The following NDRG1 variants were observed in gnomAD, a reference collection of about 807,000 sequenced individuals.
The protein encoded by NDRG1 is N-myc downstream regulated 1.
NDRG1 carries 32 observed loss-of-function variants against 56.9 expected under a neutral mutation model. The observed-to-expected ratio is 0.56, with a 90% CI of 0.42 to 0.76. The LOEUF (loss-of-function observed/expected upper bound fraction) is 0.76. NDRG1 is among the 30% of genes least tolerant of loss of function. The pLI is 0.00. For synonymous variants in NDRG1, 211 were observed against 204.1 expected (o/e 1.03, Z -0.29); for missense variants, 507 against 545.7 (o/e 0.93, Z 0.71).
chr8:133,296,231 G>A (rs1035695010), intron 1 of NDRG1, among the ~76,000 whole-genome samples: 4 of 143,516 alleles, frequency 2.8e-5, no homozygotes, highest in Non-Finnish European at 6.1e-5. Context: ...GGCAGGAGCG[G>A]CCAGCACCAG....
intron 1 of NDRG1, among the ~76,000 whole-genome samples, chr8:133,294,074 C>T (rs1858592486): frequency 6.6e-6 from 1 of 152,150 alleles, no homozygotes; most frequent in Non-Finnish European, 1.5e-5. Flanking sequence ...ATTCTGATGG[C>T]ATCATGTCTG....
chr8:133,269,216 T>C (rs941218530), intron 3 of NDRG1, among the ~76,000 whole-genome samples: 2 of 152,088 alleles, frequency 1.3e-5, no homozygotes, highest in African/African-American at 4.8e-5. Flanking sequence ...CCCCCCAACT[T>C]CTGGCTGGGA....
intron 1 of NDRG1, among the ~76,000 whole-genome samples, chr8:133,289,254 G>A (rs559227885): frequency 2.8e-4 from 42 of 152,014 alleles, no homozygotes; most frequent in African/African-American, 9.2e-4. Flanking sequence ...TCTGTCAATG[G>A]GCATGCTAAC....
At chr8:133,242,742 G>A (rs1299877370) in intron 14 of NDRG1, among the ~76,000 whole-genome samples, 1 of 150,714 alleles carries the variant, frequency 6.6e-6, no homozygotes, top group Non-Finnish European at 1.5e-5. Flanking sequence ...AGGAAGAGAA[G>A]GAAGGAAGGA....
chr8:133,248,577 T>G lies in NDRG1; in HGVS notation c.755+138A>C, dbSNP rs996107659. 6.5e-6 allele frequency: 7 copies of G among 1,074,098 alleles called. No individual in the cohort carries two copies. In the Admixed American group the frequency reaches 8.6e-5, roughly 13 times the overall value. 66.5% of individuals were successfully genotyped at this position (1,074,098 alleles called of 1,614,324 possible). A position where few individuals can be genotyped will look rare whatever the true frequency, so the allele number is the denominator to read the frequency against. ...AAGTCCAAGTCAGGCTGGGTAATGC[T>G]CAGTCTCTGGGTGGAATATATCCAG... On this transcript the variant is annotated intron_variant, in intron 11 of 15. Transcript: ENST00000323851.
Position 133,280,287 on chromosome 8 carries a change from A to T in NDRG1, c.64-20T>A, listed in dbSNP as rs772344353. On this transcript the variant is annotated intron_variant, in intron 2 of 15. Transcript: ENST00000323851. Reference sequence around the variant, plus strand: ...GATGGTCTGTGAAAAGACAAAAAAAATTGTCAATTTCATCTGTTTTCTCTG... The same window carrying T: ...GATGGTCTGTGAAAAGACAAAAAAATTTGTCAATTTCATCTGTTTTCTCTG... 5 of 1,613,482 alleles carry T rather than the reference A, an allele frequency of 3.1e-6. No homozygotes were observed. The highest frequency in any genetic ancestry group is 4.2e-6 in the Non-Finnish European group (5 of 1,179,424).
chr8:133,260,269 A>T (rs1295985721), intron 5 of NDRG1, among the ~76,000 whole-genome samples: 1 of 152,220 alleles, frequency 6.6e-6, no homozygotes, highest in East Asian at 1.9e-4. Flanking sequence ...CCAGCCAGGG[A>T]TCCCCTACCC....
chr8:133,265,875 C>T (rs1379764575), intron 3 of NDRG1, among the ~76,000 whole-genome samples: 4 of 152,356 alleles, frequency 2.6e-5, no homozygotes, highest in South Asian at 2.1e-4. Flanking sequence ...TCCTCAAGGT[C>T]AACCAGAAGT....
Position 133,237,736 on chromosome 8 carries a change from A to T in NDRG1, c.*1142T>A, listed in dbSNP as rs893877081. The T allele has an allele frequency of 6.0e-5, 14 of 231,882 alleles. No homozygotes were observed. Among genetic ancestry groups the T allele is most frequent in the African/African-American group, 3.1e-4 (14 of 44,930 alleles). The allele number at this position is 231,882 out of a possible 1,614,324, so 14.4% of individuals were successfully genotyped here. On this transcript the variant is annotated 3_prime_UTR_variant, in exon 16 of 16. Transcript: ENST00000323851. Reference sequence around the variant, plus strand: ...AGCAAAGAGTTCTGAGGATCCAAGAACGTGACCGGGTCAGACAGGTTCAGC... The same window carrying T: ...AGCAAAGAGTTCTGAGGATCCAAGATCGTGACCGGGTCAGACAGGTTCAGC...
chr8:133,254,809 G>T, intron 8 of NDRG1: 1 of 593,194 alleles, frequency 1.7e-6, no homozygotes, highest in Non-Finnish European at 3.0e-6. Context: ...ACTATATCCA[G>T]TTCCTTATTT....
chr8:133,262,328 T>A, intron 4 of NDRG1, 161 bp from the exon 5 acceptor site: 2 of 826,548 alleles, frequency 2.4e-6, no homozygotes, highest in South Asian at 3.3e-5. Flanking sequence ...TTTGGTTTTG[T>A]CCCCATGCCC....
At chr8:133,280,425 CTTT>C (rs34104549) in intron 2 of NDRG1, among the ~76,000 whole-genome samples, 158 bp from the exon 3 acceptor site, 6 of 138,252 alleles carry the variant, frequency 4.3e-5, no homozygotes, top group Non-Finnish European at 4.7e-5. Context: ...TTCCTTTTCT[CTTT>C]TTTTTTTTTT....
intron 3 of NDRG1, among the ~76,000 whole-genome samples, chr8:133,274,701 G>A (rs571695794): frequency 2.0e-5 from 3 of 152,262 alleles, no homozygotes; most frequent in African/African-American, 4.8e-5. Context: ...ACAAGCAGAC[G>A]TGTCAAAGGT....
chr8:133,269,528 A>G (rs1307711310), intron 3 of NDRG1, among the ~76,000 whole-genome samples: 6 of 152,226 alleles, frequency 3.9e-5, no homozygotes, highest in African/African-American at 1.4e-4. Context: ...TACACGGAAC[A>G]ACCATTGCAG....
chr8:133,285,400 C>G (rs906969547), intron 1 of NDRG1, among the ~76,000 whole-genome samples: 1 of 152,186 alleles, frequency 6.6e-6, no homozygotes, highest in Non-Finnish European at 1.5e-5. Context: ...TCCAGACTTT[C>G]TGAATGGAAA....
At chr8:133,239,461 T>C (rs895501142) in intron 15 of NDRG1, 6 of 473,884 alleles carry the variant, frequency 1.3e-5, no homozygotes, top group Non-Finnish European at 2.3e-5. Context: ...TGTTAAATAC[T>C]GACCCCTGGT....
chr8:133,278,856 C>G (rs191936859), intron 3 of NDRG1, among the ~76,000 whole-genome samples: 1 of 151,062 alleles, frequency 6.6e-6, no homozygotes, highest in Non-Finnish European at 1.5e-5. Flanking sequence ...TGACCCCAGG[C>G]AAGTCACTTC....
chr8:133,245,973 T>C (rs1855652736), intron 13 of NDRG1, among the ~76,000 whole-genome samples: 1 of 152,176 alleles, frequency 6.6e-6, no homozygotes, highest in African/African-American at 2.4e-5. Context: ...TGCCACCTCT[T>C]TGTCCTTCCC....
chr8:133,270,441 C>T (rs1317131400), intron 3 of NDRG1, among the ~76,000 whole-genome samples: 1 of 152,186 alleles, frequency 6.6e-6, no homozygotes, highest in Non-Finnish European at 1.5e-5. Flanking sequence ...AAGTGGTCCC[C>T]TTCCTTACTC....
Sources: allele counts gnomAD v4.1 joint callset (sites outside exome capture counted in the v4.1 genomes callset), GRCh38; gene constraint gnomAD v4.1.1; transcripts MANE v1.5; gene names NCBI Gene and HGNC (gene_info 2026-07-23, HGNC 2026-07-21).